USP42: variants seen among roughly 807,000 people sequenced by gnomAD.
USP42 encodes ubiquitin carboxyl-terminal hydrolase 42.
Under a neutral mutation model 113.0 loss-of-function variants are expected in USP42, and 23 were observed. That is an observed-to-expected ratio of 0.20 (90% CI 0.15 to 0.29). The LOEUF is 0.29. Among genes scored for constraint, USP42 ranks in the 10% least tolerant of loss-of-function variants. The pLI, the probability that USP42 is intolerant of heterozygous loss-of-function variation, is 1.00. For missense variants in USP42, 2,174 were observed against 1,779.8 expected (o/e 1.22, Z -3.99); for synonymous variants, 933 against 699.0 (o/e 1.33, Z -5.28).
intron 3 of USP42, 83 bp downstream of exon 3, chr7:6,115,606 A>C: frequency 3.4e-6 from 5 of 1,475,780 alleles, no homozygotes; most frequent in Non-Finnish European, 4.7e-6. Context: ...GTGAAGAATT[A>C]ATCCAAGAGT....
intron 2 of USP42, chr7:6,111,761 C>A: frequency 6.5e-6 from 1 of 154,048 alleles, no homozygotes; most frequent in Non-Finnish European, 1.3e-5. Context: ...TGCCACCAAG[C>A]CCGGCTAATT....
chr7:6,159,363 C>CA lies in USP42; in HGVS notation c.3944-86dup. 1.3e-6 allele frequency: 2 copies of CA among 1,582,514 alleles called. No individual in the cohort carries two copies. The highest frequency in any genetic ancestry group is 2.3e-5 in the South Asian group (2 of 88,812). On this transcript the variant is annotated intron_variant, in intron 16 of 17. Coordinates refer to ENST00000306177, the MANE Select transcript of USP42 (RefSeq NM_032172.3). The surrounding 1 kb of genome is among the most constrained non-coding windows in gnomAD (Gnocchi z 4.1). ...CACAGGGAACCGCAGTGACTCTGAC[C>CA]ATAGCCACTTAACGCACACACACAG...
Position 6,153,913 on chromosome 7 carries a change from A to G in USP42, c.2359A>G (p.Lys787Glu), listed in dbSNP as rs777943303. ...PPRDPGTPAT[K>E]EGAWEAMAVA... ...CCGCGATCCCGGCACCCCCGCTACC[A>G]AAGAAGGCGCCTGGGAGGCCATGGC... is the stretch of plus-strand genomic sequence containing the variant. The change falls in exon 15 of 18, where the codon AAA becomes GAA. Residue 787 changes from lysine to glutamate, a missense_variant. By Grantham distance (56) the Lys-to-Glu change is moderately conservative (BLOSUM62 1). Coordinates refer to ENST00000306177, the MANE Select transcript of USP42 (RefSeq NM_032172.3). 1.4e-5 allele frequency: 22 copies of G among 1,599,916 alleles called. No individual in the cohort carries two copies. The highest frequency in any genetic ancestry group is 1.8e-5 in the Non-Finnish European group (21 of 1,175,412).
chr7:6,149,633 T>C lies in USP42; in HGVS notation c.1437T>C (p.Ser479=). The change falls in exon 13 of 18, where the codon AGT becomes AGC. Residue 479 remains serine, a synonymous_variant. Coordinates refer to ENST00000306177, the MANE Select transcript of USP42 (RefSeq NM_032172.3). The part of the protein sequence containing the change: ...GTGPLKDTPS[S]SMSSPNGNSS... The stretch of plus-strand genomic sequence containing the variant: ...GACCATTGAAAGACACGCCAAGCAG[T>C]TCCATGTCGAGTCCTAACGGGAATT... 1 of 1,613,916 alleles carries C rather than the reference T, an allele frequency of 6.2e-7. No individual in the cohort carries two copies. The highest frequency in any genetic ancestry group is 1.1e-5 in the South Asian group (1 of 91,070).
intron 3 of USP42, among the ~76,000 whole-genome samples, chr7:6,117,859 A>T (rs969549751): frequency 6.6e-6 from 1 of 152,018 alleles, no homozygotes; most frequent in Non-Finnish European, 1.5e-5. Context: ...TCATGTGGTT[A>T]TTTGCCATCC....
At chr7:6,118,677 G>A (rs1244239032) in intron 3 of USP42, among the ~76,000 whole-genome samples, 1 of 152,096 alleles carries the variant, frequency 6.6e-6, no homozygotes, top group East Asian at 1.9e-4. Flanking sequence ...TGTGAAGATG[G>A]AGCAAGTTTA....
intron 3 of USP42, 112 bp downstream of exon 3, chr7:6,115,635 T>C: frequency 7.4e-7 from 1 of 1,349,970 alleles, no homozygotes; most frequent in Non-Finnish European, 1.0e-6. Flanking sequence ...TACTAAGAAG[T>C]TGGTTTATTC....
intron 3 of USP42, among the ~76,000 whole-genome samples, chr7:6,120,489 C>T (rs942483076): frequency 4.7e-5 from 7 of 150,074 alleles, no homozygotes; most frequent in Admixed American, 1.3e-4. Flanking sequence ...GTGATCTGCC[C>T]GACTCGGCCT....
the USP42 span, chr7:6,089,043 T>TTA: frequency 6.7e-6 from 1 of 149,062 alleles, no homozygotes; most frequent in Non-Finnish European, 1.5e-5. Context: ...ATTTATTTAT[T>TTA]TATTTATATT....
At chr7:6,141,963 T>C (rs2128506276) in intron 7 of USP42, among the ~76,000 whole-genome samples, 1 of 152,350 alleles carries the variant, frequency 6.6e-6, no homozygotes, top group East Asian at 1.9e-4. Context: ...CGTGTAATTC[T>C]GTTGAGACCT....
chr7:6,111,914 T>A (rs1779618851), intron 2 of USP42: 1 of 152,778 alleles, frequency 6.5e-6, no homozygotes, highest in Non-Finnish European at 1.5e-5. Flanking sequence ...CGCCAGGCCC[T>A]TTTATTCCAG....
At chr7:6,107,504 G>A (rs1779357407) in intron 1 of USP42, among the ~76,000 whole-genome samples, 1 of 151,178 alleles carries the variant, frequency 6.6e-6, no homozygotes, top group African/African-American at 2.4e-5. Flanking sequence ...CTGCCTCCTG[G>A]GTTCAAGGGA....
intron 3 of USP42, among the ~76,000 whole-genome samples, chr7:6,118,234 T>TA (rs566714128): frequency 3.0e-4 from 46 of 151,888 alleles, no homozygotes; most frequent in African/African-American, 1.0e-3. Context: ...TCTCTATATA[T>TA]AAAAAAAATC....
Position 6,157,214 on chromosome 7 carries a change from C to T in USP42, c.3943+159C>T, listed in dbSNP as rs1469746531. On this transcript the variant is annotated intron_variant, in intron 16 of 17. Transcript: ENST00000306177. This position sits in a 1 kb window ranked among gnomAD's most constrained non-coding sequence, Gnocchi z 4.1. ...TGCCTGGTCTGGCCTCAGTGCTCAT[C>T]CCTGCAGTGTGGTTCCGTTGCACAG... 1.4e-6 allele frequency: 2 copies of T among 1,421,674 alleles called. No individual in the cohort carries two copies. The highest frequency in any genetic ancestry group is 5.2e-5 in the East Asian group (2 of 38,820). 88.1% of individuals were successfully genotyped at this position (1,421,674 alleles called of 1,614,324 possible).
intron 1 of USP42, among the ~76,000 whole-genome samples, chr7:6,108,897 G>T (rs80030512): frequency 0.013 from 2,002 of 152,326 alleles, 27 homozygotes; most frequent in Middle Eastern, 0.061. Flanking sequence ...AACGCTAGTT[G>T]TTTTCTGTTC....
In USP42 at chr7:6,139,002, C is replaced by T. The variant is rs572756108; in HGVS notation, c.554-90C>T. ...AGTAAGTATTTGGGAGTTTTCCAACCAACATATTATTATAAGATATATTTT... is the reference window on the plus strand; with the variant it reads ...AGTAAGTATTTGGGAGTTTTCCAACTAACATATTATTATAAGATATATTTT... On this transcript the variant is annotated intron_variant, in intron 4 of 17. Coordinates refer to ENST00000306177, the MANE Select transcript of USP42 (RefSeq NM_032172.3). The surrounding 1 kb of genome is among the most constrained non-coding windows in gnomAD (Gnocchi z 4.5). 6.3e-6 allele frequency: 5 copies of T among 797,422 alleles called. No individual in the cohort carries two copies. The highest frequency in any genetic ancestry group is 5.8e-5 in the East Asian group (2 of 34,598). The allele number at this position is 797,422 out of a possible 1,614,324, so 49.4% of individuals were successfully genotyped here.
chr7:6,160,677 CTTT>C lies in USP42; in HGVS notation c.*166_*168del, dbSNP rs1331889542. On this transcript the variant is annotated 3_prime_UTR_variant, in exon 18 of 18. Coordinates refer to ENST00000306177, the MANE Select transcript of USP42 (RefSeq NM_032172.3). ...ACTGTACAGATTTTACCATGGAGAA[CTTT>C]TTTTTTAGTTTTTACCTTTTCTTAA... The C allele has an allele frequency of 6.6e-6, 1 of 152,090 alleles. No homozygotes were observed. Among genetic ancestry groups the C allele is most frequent in the Non-Finnish European group, 1.5e-5 (1 of 67,872 alleles). The allele number at this position is 152,090 out of a possible 1,614,324, so 9.4% of individuals were successfully genotyped here. A position where few individuals can be genotyped will look rare whatever the true frequency, so the allele number is the denominator to read the frequency against.
rs756710100 is a variant in USP42, at chr7:6,147,783, A to T, written c.1277A>T (p.His426Leu). The T allele has an allele frequency of 6.2e-7, 1 of 1,605,476 alleles. No homozygotes were observed. Among genetic ancestry groups the T allele is most frequent in the South Asian group, 1.1e-5 (1 of 90,342 alleles). Residue 426 changes from histidine (H) to leucine (L), a missense_variant, in exon 12 of 18, where the codon CAT (histidine) becomes CTT (leucine). His to Leu is a moderately conservative substitution (Grantham distance 99). Transcript: ENST00000306177. Reference protein sequence around the residue: ...KNGGELTHPTHSPGQSSPRPV... With the variant: ...KNGGELTHPTLSPGQSSPRPV... ...GGAGGTGAACTTACTCATCCCACCCATAGCCCCGGCCAGTCCTCTCCCCGC... is the reference window on the plus strand; with the variant it reads ...GGAGGTGAACTTACTCATCCCACCCTTAGCCCCGGCCAGTCCTCTCCCCGC...
At chr7:6,089,401 G>A in the USP42 span, among the ~76,000 whole-genome samples, 1 of 150,472 alleles carries the variant, frequency 6.6e-6, no homozygotes, top group African/African-American at 2.5e-5. Flanking sequence ...TTTCTTTCAG[G>A]CCAGCAAGCT....
Sources: gnomAD v4.1 joint callset for allele counts (sites outside exome capture counted in the v4.1 genomes callset) on GRCh38, gnomAD v4.1.1 for gene constraint, Gnocchi (gnomAD v3.1) non-coding constraint, MANE v1.5 for transcripts, NCBI Gene and HGNC (gene_info 2026-07-23, HGNC 2026-07-21) for gene names.